The following LRRC4C variants were observed in gnomAD, a reference collection of about 807,000 sequenced individuals.
LRRC4C encodes the protein leucine rich repeat containing 4C.
Under a neutral mutation model 33.6 loss-of-function variants are expected in LRRC4C, and 5 were observed. That is an observed-to-expected ratio of 0.15 (90% CI 0.08 to 0.31). The LOEUF is 0.31. LRRC4C is among the 10% of genes least tolerant of loss of function. The pLI is 1.00. For missense variants in LRRC4C, 560 were observed against 796.7 expected, an observed-to-expected ratio of 0.70 and a Z score of 3.58; for synonymous variants, 329 against 302.0, an observed-to-expected ratio of 1.09 and a Z score of -0.93.
chr11:41,322,157 G>A (rs1357548951), intron 1 of LRRC4C, among the ~76,000 whole-genome samples: 2 of 151,862 alleles, frequency 1.3e-5, no homozygotes, highest in Non-Finnish European at 2.9e-5. Context: ...GAGCCACCGT[G>A]CCTGGCCTTA....
At position 40,583,480 on chromosome 11, in the gene LRRC4C, G is replaced by T. The variant is rs553911121; in HGVS notation, c.-270+64662C>A. Among the ~76,000 whole-genome samples the T allele has an allele frequency of 1.2e-4, 18 of 152,276 alleles. No homozygotes were observed. In the East Asian group the frequency reaches 3.5e-3, roughly 29 times the overall value. On this transcript the variant is annotated intron_variant, in intron 3 of 6. Transcript: ENST00000528697. ...GCTCCAATCTTCACAAATTACATGG[G>T]ATGCCTTGCTTGCCCCTAACCATCT...
At chr11:40,858,692 TAAAAAAAAAAAAAAA>T (rs201131448) in intron 2 of LRRC4C, among the ~76,000 whole-genome samples, 2 of 80,162 alleles carry the variant, frequency 2.5e-5, no homozygotes, top group East Asian at 3.4e-4. Flanking sequence ...GACTCCTTCT[TAAAAAAAAAAAAAAA>T]AAAAAAAAAA....
intron 5 of LRRC4C, among the ~76,000 whole-genome samples, chr11:40,179,413 T>C (rs113087481): frequency 2.0e-5 from 3 of 152,294 alleles, no homozygotes; most frequent in African/African-American, 7.2e-5. Context: ...AGGCTTAGTT[T>C]TCACATCAGG....
At chr11:40,360,442 G>GA (rs1947897113) in intron 3 of LRRC4C, among the ~76,000 whole-genome samples, 1 of 152,180 alleles carries the variant, frequency 6.6e-6, no homozygotes, top group Non-Finnish European at 1.5e-5. Context: ...GTAGCAGGTG[G>GA]AAAACACTCT....
intron 3 of LRRC4C, among the ~76,000 whole-genome samples, chr11:40,366,703 G>C (rs1215218958): frequency 6.6e-6 from 1 of 151,950 alleles, no homozygotes; most frequent in Non-Finnish European, 1.5e-5. Context: ...AAACATTTTT[G>C]AGTAAGGCAT....
chr11:41,192,305 C>T (rs566771316), intron 1 of LRRC4C, among the ~76,000 whole-genome samples: 3 of 146,870 alleles, frequency 2.0e-5, no homozygotes, highest in African/African-American at 5.0e-5. Context: ...TATTGTCTGG[C>T]ATACAGCATG....
intron 3 of LRRC4C, among the ~76,000 whole-genome samples, chr11:40,618,256 A>G (rs1962064121): frequency 8.3e-6 from 1 of 120,748 alleles, no homozygotes; most frequent in South Asian, 2.5e-4. Context: ...GAGGACACAC[A>G]ACAGCACCCA....
chr11:40,335,364 C>T (rs1946550661), intron 3 of LRRC4C, among the ~76,000 whole-genome samples: 1 of 152,108 alleles, frequency 6.6e-6, no homozygotes, highest in Admixed American at 6.5e-5. Context: ...AATCCTACAC[C>T]TAAGTCCTCT....
chr11:40,685,655 A>G (rs995055341), intron 2 of LRRC4C, among the ~76,000 whole-genome samples: 3 of 152,142 alleles, frequency 2.0e-5, no homozygotes, highest in Middle Eastern at 3.4e-3. Context: ...TAATGAGGAT[A>G]ATGGAGATAA....
chr11:41,017,382 C>G (rs1565304860), intron 1 of LRRC4C, among the ~76,000 whole-genome samples: 1 of 152,142 alleles, frequency 6.6e-6, no homozygotes, highest in African/African-American at 2.4e-5. Flanking sequence ...TAAGGCAAAG[C>G]CTTTGATTAT....
intron 4 of LRRC4C, among the ~76,000 whole-genome samples, chr11:40,303,854 C>T (rs1320048890): frequency 6.6e-6 from 1 of 152,050 alleles, no homozygotes; most frequent in Non-Finnish European, 1.5e-5. Context: ...AATATTTCTG[C>T]CTGATGAAGT....
chr11:40,891,772 A>G (rs909102414), intron 2 of LRRC4C, among the ~76,000 whole-genome samples: 3 of 152,158 alleles, frequency 2.0e-5, no homozygotes, highest in Non-Finnish European at 4.4e-5. Context: ...GAATATGTGG[A>G]GAAAGGGAAA....
chr11:40,475,694 T>C (rs1953180768), intron 3 of LRRC4C, among the ~76,000 whole-genome samples: 1 of 152,144 alleles, frequency 6.6e-6, no homozygotes, highest in South Asian at 2.1e-4. Context: ...TAGAGTCCTG[T>C]CCTATTCTTT....
intron 5 of LRRC4C, among the ~76,000 whole-genome samples, chr11:40,209,761 G>A (rs1247355678): frequency 6.6e-6 from 1 of 152,100 alleles, no homozygotes; most frequent in Non-Finnish European, 1.5e-5. Context: ...CAACAAAAAC[G>A]CTTTGCATTC....
chr11:41,270,772 C>A (rs1949295636), intron 1 of LRRC4C, among the ~76,000 whole-genome samples: 1 of 152,058 alleles, frequency 6.6e-6, no homozygotes, highest in African/African-American at 2.4e-5. Flanking sequence ...CAAATGACTA[C>A]AAATTTGGTA....
intron 3 of LRRC4C, among the ~76,000 whole-genome samples, chr11:40,431,784 A>T (rs1213972105): frequency 6.6e-6 from 1 of 152,148 alleles, no homozygotes; most frequent in Non-Finnish European, 1.5e-5. Flanking sequence ...TGAGCATGTG[A>T]TGTCCATTTT....
intron 2 of LRRC4C, among the ~76,000 whole-genome samples, chr11:40,794,370 C>A: frequency 2.1e-5 from 2 of 94,624 alleles, no homozygotes; most frequent in Non-Finnish European, 2.0e-5. Context: ...TCATAAACGC[C>A]AGCAAAAAAA....
chr11:40,888,238 A>T (rs576925934), intron 2 of LRRC4C, among the ~76,000 whole-genome samples: 1 of 152,016 alleles, frequency 6.6e-6, no homozygotes, highest in Admixed American at 6.6e-5. Flanking sequence ...TCCCATATAG[A>T]TATAAACATA....
At chr11:41,216,181 A>G (rs1207457412) in intron 1 of LRRC4C, among the ~76,000 whole-genome samples, 1 of 152,224 alleles carries the variant, frequency 6.6e-6, no homozygotes, top group Non-Finnish European at 1.5e-5. Context: ...ATTTTAAAAC[A>G]GGCTCATTTA....
Sources: allele counts gnomAD v4.1 joint callset (sites outside exome capture counted in the v4.1 genomes callset), GRCh38; gene constraint gnomAD v4.1.1; transcripts MANE v1.5; gene names NCBI Gene and HGNC (gene_info 2026-07-23, HGNC 2026-07-21).